Variants in NRG3 observed in about 807,000 individuals in gnomAD.
NRG3 encodes pro-neuregulin-3, membrane-bound isoform.
Under a neutral mutation model 66.9 loss-of-function variants are expected in NRG3, and 31 were observed. The ratio of observed to expected loss-of-function variants is 0.46; its 90% CI spans 0.35 to 0.63. NRG3 has a LOEUF of 0.63. Among genes scored for constraint, NRG3 ranks in the 20% least tolerant of loss-of-function variants. NRG3 has a pLI of 0.00. For missense variants in NRG3, 910 were observed against 878.9 expected, an observed-to-expected ratio of 1.04 and a Z score of -0.45; for synonymous variants, 393 against 359.4, an observed-to-expected ratio of 1.09 and a Z score of -1.06.
chr10:82,434,063 G>A (rs2089984247), intron 2 of NRG3, among the ~76,000 whole-genome samples: 1 of 152,110 alleles, frequency 6.6e-6, no homozygotes. Flanking sequence ...TCACGGTATT[G>A]ATTCTTCCTA....
chr10:82,707,565 T>G (rs1382643479), intron 2 of NRG3, among the ~76,000 whole-genome samples: 2 of 45,788 alleles, frequency 4.4e-5, no homozygotes, highest in Non-Finnish European at 1.5e-4. Context: ...AATTGTTTGT[T>G]TTTGTTTTTG....
chr10:82,389,290 A>G (rs1331618285), intron 2 of NRG3, among the ~76,000 whole-genome samples: 1 of 152,176 alleles, frequency 6.6e-6, no homozygotes, highest in African/African-American at 2.4e-5. Context: ...AATAAAAATC[A>G]CTGTGTTAGT....
At chr10:82,059,634 C>A (rs1288762486) in intron 1 of NRG3, among the ~76,000 whole-genome samples, 1 of 152,166 alleles carries the variant, frequency 6.6e-6, no homozygotes, top group Non-Finnish European at 1.5e-5. Flanking sequence ...TACTTCTCGT[C>A]CCAATTCAAA....
chr10:82,913,189 C>T (rs189791280), intron 4 of NRG3, among the ~76,000 whole-genome samples: 1 of 152,224 alleles, frequency 6.6e-6, no homozygotes, highest in Admixed American at 6.5e-5. Flanking sequence ...CATGCCACTG[C>T]ACTCCAGCCT....
At chr10:82,858,942 C>CG (rs1333327160) in intron 3 of NRG3, among the ~76,000 whole-genome samples, 1 of 124,234 alleles carries the variant, frequency 8.0e-6, no homozygotes, top group East Asian at 2.2e-4. Flanking sequence ...AGTAGTCTAA[C>CG]TTTTTTTTTT....
chr10:82,953,839 T>C (rs1849758210), intron 5 of NRG3, among the ~76,000 whole-genome samples: 1 of 151,518 alleles, frequency 6.6e-6, no homozygotes. Flanking sequence ...GCACCTGTAA[T>C]CTCAGCTACT....
intron 1 of NRG3, among the ~76,000 whole-genome samples, chr10:82,352,184 C>T (rs1488340169): frequency 6.6e-6 from 1 of 152,124 alleles, no homozygotes; most frequent in Non-Finnish European, 1.5e-5. Context: ...AATACATATA[C>T]CCACATACAT....
intron 1 of NRG3, among the ~76,000 whole-genome samples, chr10:82,337,844 G>A (rs2082468948): frequency 6.6e-6 from 1 of 152,128 alleles, no homozygotes; most frequent in Non-Finnish European, 1.5e-5. Flanking sequence ...TTGACTGCAT[G>A]TCTATAATGC....
chr10:82,401,528 G>A (rs1011808163), intron 2 of NRG3, among the ~76,000 whole-genome samples: 1 of 152,026 alleles, frequency 6.6e-6, no homozygotes, highest in East Asian at 1.9e-4. Context: ...TGATTCCACA[G>A]ATCATGTAGA....
chr10:82,569,555 A>C (rs2045606924), intron 2 of NRG3, among the ~76,000 whole-genome samples: 1 of 151,744 alleles, frequency 6.6e-6, no homozygotes, highest in African/African-American at 2.4e-5. Context: ...CAGTGGATTG[A>C]TTCTTCAGTA....
At chr10:82,269,088 C>G (rs1246872242) in intron 1 of NRG3, among the ~76,000 whole-genome samples, 1 of 152,094 alleles carries the variant, frequency 6.6e-6, no homozygotes, top group Non-Finnish European at 1.5e-5. Context: ...TTTCTGATAC[C>G]ACTTTCTCTG....
intron 3 of NRG3, among the ~76,000 whole-genome samples, chr10:82,826,325 C>A (rs2062205865): frequency 6.6e-6 from 1 of 152,188 alleles, no homozygotes; most frequent in Non-Finnish European, 1.5e-5. Flanking sequence ...CATTCCTAGC[C>A]CCAGGGCTCA....
At chr10:82,885,892 G>A (rs2136089863) in intron 4 of NRG3, among the ~76,000 whole-genome samples, 1 of 150,458 alleles carries the variant, frequency 6.6e-6, no homozygotes, top group Admixed American at 6.6e-5. Context: ...TATTTTTTTA[G>A]ACGGAGTCTC....
At chr10:82,040,629 G>A (rs1435563420) in intron 1 of NRG3, among the ~76,000 whole-genome samples, 1 of 151,880 alleles carries the variant, frequency 6.6e-6, no homozygotes, top group Admixed American at 6.6e-5. Context: ...GAATAAGGCA[G>A]GAGAAGAACC....
intron 1 of NRG3, among the ~76,000 whole-genome samples, chr10:81,985,222 C>T (rs1006162639): frequency 1.3e-5 from 2 of 152,194 alleles, no homozygotes; most frequent in Non-Finnish European, 2.9e-5. Context: ...AACATTAATA[C>T]AACTAGGAAG....
intron 2 of NRG3, among the ~76,000 whole-genome samples, chr10:82,468,958 C>T (rs187638178): frequency 1.3e-5 from 2 of 152,240 alleles, no homozygotes; most frequent in Admixed American, 1.3e-4. Context: ...TTCTTGCTAT[C>T]ATTGAGCATA....
chr10:82,288,862 T>G (rs2079565903), intron 1 of NRG3, among the ~76,000 whole-genome samples: 1 of 152,224 alleles, frequency 6.6e-6, no homozygotes, highest in Non-Finnish European at 1.5e-5. Context: ...ATGAGTAATT[T>G]GTCACATTCC....
At chr10:82,829,902 CT>C (rs1397591453) in intron 3 of NRG3, among the ~76,000 whole-genome samples, 3 of 152,144 alleles carry the variant, frequency 2.0e-5, no homozygotes, top group Admixed American at 1.3e-4. Context: ...GGGGTGATCA[CT>C]GAGTCCCCGT....
At chr10:82,872,473 A>G (rs1461617440) in intron 4 of NRG3, among the ~76,000 whole-genome samples, 1 of 152,118 alleles carries the variant, frequency 6.6e-6, no homozygotes, top group African/African-American at 2.4e-5. Context: ...ATCAGTCTCA[A>G]AACCAGAATA....
Sources: allele counts gnomAD v4.1 joint callset (sites outside exome capture counted in the v4.1 genomes callset), GRCh38; gene constraint gnomAD v4.1.1; transcripts MANE v1.5; gene names NCBI Gene and HGNC (gene_info 2026-07-23, HGNC 2026-07-21).